Variants in MARCHF4 observed in about 807,000 individuals in gnomAD.
MARCHF4 encodes membrane associated ring-CH-type finger 4.
MARCHF4 carries 14 observed loss-of-function variants against 43.9 expected under a neutral mutation model. That is an observed-to-expected ratio of 0.32 (90% CI 0.21 to 0.50). The LOEUF (loss-of-function observed/expected upper bound fraction) is 0.50, where lower values mean the gene tolerates loss of function less well. Ranked by LOEUF, MARCHF4 falls within the 20% of genes least tolerant of loss-of-function variation. The pLI is 0.98. For synonymous variants in MARCHF4, 226 were observed against 213.3 expected (o/e 1.06, Z -0.52); for missense variants, 468 against 536.7 (o/e 0.87, Z 1.27).
intron 1 of MARCHF4, among the ~76,000 whole-genome samples, chr2:216,358,771 C>T (rs1300239898): frequency 6.6e-6 from 1 of 152,176 alleles, no homozygotes; most frequent in East Asian, 1.9e-4. Context: ...ATTATACTCC[C>T]CACCCCTATT....
chr2:216,275,502 A>G (rs1691004738), intron 3 of MARCHF4, among the ~76,000 whole-genome samples: 1 of 152,226 alleles, frequency 6.6e-6, no homozygotes, highest in Admixed American at 6.5e-5. Flanking sequence ...TGGAATGAGC[A>G]CTGGGTTGTG....
intron 1 of MARCHF4, among the ~76,000 whole-genome samples, chr2:216,310,541 T>C (rs1691670022): frequency 6.6e-6 from 1 of 152,146 alleles, no homozygotes; most frequent in African/African-American, 2.4e-5. Flanking sequence ...AGATTACAGG[T>C]GTGAGCCATC....
chr2:216,289,170 T>C (rs1691265979), intron 1 of MARCHF4, among the ~76,000 whole-genome samples: 1 of 151,488 alleles, frequency 6.6e-6, no homozygotes, highest in Non-Finnish European at 1.5e-5. Context: ...CTTACTGCAA[T>C]AGAGGAATTT....
chr2:216,354,988 T>TTCTTTTC (rs1692477820), intron 1 of MARCHF4, among the ~76,000 whole-genome samples: 12 of 144,172 alleles, frequency 8.3e-5, no homozygotes, highest in Non-Finnish European at 1.4e-4. Context: ...TCTTTCTTTT[T>TTCTTTTC]TGAGACAGAG....
chr2:216,369,717 A>G (rs773519636), intron 1 of MARCHF4, 28 bp downstream of exon 1: 37 of 1,522,844 alleles, frequency 2.4e-5, no homozygotes, highest in Non-Finnish European at 3.3e-5. Flanking sequence ...ATACCACAGG[A>G]AGCAGGAGAA....
chr2:216,361,871 G>T (rs1692588651), intron 1 of MARCHF4, among the ~76,000 whole-genome samples: 1 of 151,922 alleles, frequency 6.6e-6, no homozygotes, highest in Non-Finnish European at 1.5e-5. Flanking sequence ...ACACACTGGT[G>T]GGATGGGGTA....
chr2:216,302,866 C>G (rs1164571469), intron 1 of MARCHF4, among the ~76,000 whole-genome samples: 1 of 142,868 alleles, frequency 7.0e-6, no homozygotes, highest in Non-Finnish European at 1.5e-5. Context: ...CCACTGCACT[C>G]CAGCCTGGGT....
intron 1 of MARCHF4, among the ~76,000 whole-genome samples, chr2:216,316,631 A>G (rs1025395798): frequency 6.6e-6 from 1 of 152,082 alleles, no homozygotes; most frequent in African/African-American, 2.4e-5. Flanking sequence ...CCAAATCCCA[A>G]AATTATACCA....
intron 3 of MARCHF4, chr2:216,265,690 T>C (rs915490465): frequency 1.3e-5 from 2 of 152,114 alleles, no homozygotes; most frequent in African/African-American, 4.8e-5. Context: ...ATACAGGGTT[T>C]TGCCATGTTG....
intron 1 of MARCHF4, among the ~76,000 whole-genome samples, chr2:216,362,281 T>C (rs1248178786): frequency 6.6e-6 from 1 of 152,200 alleles, no homozygotes; most frequent in East Asian, 1.9e-4. Flanking sequence ...CCTTTTCGTT[T>C]ATACACACAC....
intron 3 of MARCHF4, chr2:216,266,099 T>C (rs1354940229): frequency 6.6e-6 from 1 of 152,158 alleles, no homozygotes; most frequent in Non-Finnish European, 1.5e-5. Context: ...AAATAAATAC[T>C]TCCTCTCCTA....
At chr2:216,286,030 G>T (rs2105942169) in intron 1 of MARCHF4, among the ~76,000 whole-genome samples, 1 of 152,256 alleles carries the variant, frequency 6.6e-6, no homozygotes, top group Non-Finnish European at 1.5e-5. Context: ...CTCTGGTTGT[G>T]GGACCATTGG....
At chr2:216,320,655 CTTTCT>C (rs1691870955) in intron 1 of MARCHF4, among the ~76,000 whole-genome samples, 1 of 109,312 alleles carries the variant, frequency 9.1e-6, no homozygotes, top group South Asian at 3.2e-4. Context: ...TTCTTTCTTT[CTTTCT>C]TTCTTTCTTT....
intron 1 of MARCHF4, among the ~76,000 whole-genome samples, chr2:216,339,800 A>T (rs1457044717): frequency 6.6e-6 from 1 of 152,112 alleles, no homozygotes; most frequent in Non-Finnish European, 1.5e-5. Flanking sequence ...ATCAGCAAGG[A>T]TCCCATAGAG....
chr2:216,357,513 G>T (rs1199030410), intron 1 of MARCHF4, among the ~76,000 whole-genome samples: 1 of 152,170 alleles, frequency 6.6e-6, no homozygotes. Flanking sequence ...TAGAAACAAA[G>T]TTTCACTATA....
chr2:216,260,987 A>G (rs1219988882), intron 3 of MARCHF4, among the ~76,000 whole-genome samples: 3 of 152,122 alleles, frequency 2.0e-5, no homozygotes, highest in African/African-American at 7.2e-5. Flanking sequence ...GAGTGAAGAG[A>G]AAGATCTGGA....
intron 1 of MARCHF4, among the ~76,000 whole-genome samples, chr2:216,286,277 CGCCTGTAA>C: frequency 6.6e-6 from 1 of 152,182 alleles, no homozygotes; most frequent in African/African-American, 2.4e-5. Context: ...CAGTGGCTCA[CGCCTGTAA>C]TGCCACACTT....
intron 1 of MARCHF4, among the ~76,000 whole-genome samples, chr2:216,296,297 G>C (rs1321130159): frequency 1.3e-5 from 2 of 152,378 alleles, no homozygotes; most frequent in East Asian, 3.9e-4. Context: ...AGTGGGCTGA[G>C]ATCGTGCCAC....
intron 1 of MARCHF4, chr2:216,321,700 T>A (rs1212094431): frequency 6.6e-6 from 1 of 152,200 alleles, no homozygotes; most frequent in African/African-American, 2.4e-5. Flanking sequence ...AGAGACAAAG[T>A]GACTGGTGAC....
Sources: allele counts gnomAD v4.1 joint callset (sites outside exome capture counted in the v4.1 genomes callset), GRCh38; gene constraint gnomAD v4.1.1; transcripts MANE v1.5; gene names NCBI Gene and HGNC (gene_info 2026-07-23, HGNC 2026-07-21).